The following GPC5 variants were observed in gnomAD, a reference collection of about 807,000 sequenced individuals.
GPC5 encodes the protein glypican-5.
GPC5 carries 47 observed loss-of-function variants against 53.9 expected under a neutral mutation model. The ratio of observed to expected loss-of-function variants is 0.87; its 90% CI spans 0.69 to 1.11. The LOEUF (loss-of-function observed/expected upper bound fraction) is 1.11, where lower values mean the gene tolerates loss of function less well. GPC5 is among the 50% of genes most tolerant of loss of function. The pLI is 0.00. For missense variants in GPC5, 748 were observed against 713.1 expected (o/e 1.05, Z -0.56); for synonymous variants, 286 against 263.3 (o/e 1.09, Z -0.84).
intron 7 of GPC5, among the ~76,000 whole-genome samples, chr13:92,725,090 G>A (rs1016313781): frequency 6.6e-6 from 1 of 151,652 alleles, no homozygotes; most frequent in Non-Finnish European, 1.5e-5. Flanking sequence ...ATTTAACCAT[G>A]TTATCTACCG....
At chr13:92,178,106 C>T (rs1363251093) in intron 7 of GPC5, among the ~76,000 whole-genome samples, 5 of 152,048 alleles carry the variant, frequency 3.3e-5, no homozygotes, top group Non-Finnish European at 7.4e-5. Flanking sequence ...CAATTTATTC[C>T]GAAGGGATGC....
intron 6 of GPC5, chr13:91,994,622 T>C (rs2040487526): frequency 6.6e-6 from 1 of 152,184 alleles, no homozygotes; most frequent in Non-Finnish European, 1.5e-5. Context: ...GTGAGTTGCT[T>C]TGTCTTGCCT....
intron 7 of GPC5, among the ~76,000 whole-genome samples, chr13:92,725,603 A>T (rs993049093): frequency 1.3e-5 from 2 of 151,538 alleles, no homozygotes; most frequent in Admixed American, 6.6e-5. Flanking sequence ...CATTTTTTTA[A>T]CTGTTAATAA....
chr13:91,498,423 T>C (rs1884423198), intron 2 of GPC5, among the ~76,000 whole-genome samples: 1 of 151,910 alleles, frequency 6.6e-6, no homozygotes, highest in Non-Finnish European at 1.5e-5. Flanking sequence ...TGGGAACTGG[T>C]TGAGCAGGGA....
At chr13:91,666,127 A>G (rs535676655) in intron 2 of GPC5, among the ~76,000 whole-genome samples, 32 of 152,342 alleles carry the variant, frequency 2.1e-4, no homozygotes, top group Admixed American at 8.5e-4. Flanking sequence ...CATCTTCTAT[A>G]TAAGGGCCTT....
intron 7 of GPC5, among the ~76,000 whole-genome samples, chr13:92,488,719 C>T (rs1181399775): frequency 1.3e-5 from 2 of 152,250 alleles, no homozygotes; most frequent in African/African-American, 4.8e-5. Flanking sequence ...GATACTGTGT[C>T]GTAGGTGGTG....
chr13:92,188,130 C>T lies in GPC5; in HGVS notation c.1561+43141C>T, dbSNP rs147196113. Among the ~76,000 whole-genome samples, 850 of 152,064 alleles carry T rather than the reference C, an allele frequency of 5.6e-3. 13 individuals carry two copies. The highest frequency in any genetic ancestry group is 0.019 in the African/African-American group (800 of 41,462). On this transcript the variant is annotated intron_variant, in intron 7 of 7. Transcript: ENST00000377067. Reference sequence around the variant, plus strand: ...ATCATTACTGCAGGAATCTCTCCTTCGAGAGAACAGGGCTCTTTAAAAATA... The same window carrying T: ...ATCATTACTGCAGGAATCTCTCCTTTGAGAGAACAGGGCTCTTTAAAAATA...
At chr13:92,469,990 ACTAT>A (rs1878847960) in intron 7 of GPC5, among the ~76,000 whole-genome samples, 1 of 152,266 alleles carries the variant, frequency 6.6e-6, no homozygotes, top group Admixed American at 6.5e-5. Context: ...ATATTTTATA[ACTAT>A]CAGAAATGAG....
chr13:92,167,250 A>G (rs1386359428), intron 7 of GPC5, among the ~76,000 whole-genome samples: 3 of 152,272 alleles, frequency 2.0e-5, no homozygotes, highest in South Asian at 4.1e-4. Context: ...ATAGCAAGTT[A>G]TAGTCCATGA....
intron 7 of GPC5, among the ~76,000 whole-genome samples, chr13:92,560,582 T>A (rs1475215069): frequency 6.6e-6 from 1 of 151,970 alleles, no homozygotes; most frequent in Non-Finnish European, 1.5e-5. Context: ...TGGTTCTCCA[T>A]ATCCCCGGCA....
chr13:91,961,386 G>C (rs970019938), intron 6 of GPC5, among the ~76,000 whole-genome samples: 1 of 151,948 alleles, frequency 6.6e-6, no homozygotes, highest in Non-Finnish European at 1.5e-5. Flanking sequence ...GCCCTGACTA[G>C]ACACATTTAC....
intron 7 of GPC5, among the ~76,000 whole-genome samples, chr13:92,400,407 C>G (rs1186190706): frequency 6.6e-6 from 1 of 152,158 alleles, no homozygotes; most frequent in African/African-American, 2.4e-5. Flanking sequence ...ACCTACTAAC[C>G]CAAGAACATT....
intron 7 of GPC5, among the ~76,000 whole-genome samples, chr13:92,725,136 G>T (rs1470108949): frequency 1.3e-5 from 2 of 151,426 alleles, no homozygotes; most frequent in Non-Finnish European, 3.0e-5. Context: ...TTTAGATACT[G>T]AATTTTAGAA....
At chr13:92,663,615 T>C (rs377323597) in intron 7 of GPC5, among the ~76,000 whole-genome samples, 38 of 82,444 alleles carry the variant, frequency 4.6e-4, no homozygotes, top group Admixed American at 1.6e-3. Context: ...TATATATATC[T>C]ACTATATATA....
intron 7 of GPC5, among the ~76,000 whole-genome samples, chr13:92,840,092 T>TATATATATAC (rs1566440567): frequency 5.4e-5 from 3 of 55,916 alleles, no homozygotes; most frequent in African/African-American, 2.0e-4. Flanking sequence ...TATATATATA[T>TATATATATAC]ATATATATAT....
At chr13:91,921,514 A>C (rs2039714123) in intron 6 of GPC5, among the ~76,000 whole-genome samples, 1 of 152,186 alleles carries the variant, frequency 6.6e-6, no homozygotes, top group South Asian at 2.1e-4. Context: ...ATACAAGAAA[A>C]ACTATGCAAA....
At chr13:91,432,653 T>C (rs1879587200) in intron 1 of GPC5, among the ~76,000 whole-genome samples, 1 of 152,214 alleles carries the variant, frequency 6.6e-6, no homozygotes, top group Admixed American at 6.5e-5. Context: ...GCTAAATACT[T>C]AATACTTTTC....
intron 7 of GPC5, among the ~76,000 whole-genome samples, chr13:92,250,010 CA>C (rs1267013406): frequency 6.6e-6 from 1 of 151,956 alleles, no homozygotes; most frequent in African/African-American, 2.4e-5. Flanking sequence ...TATAAATATA[CA>C]GTAACAAAGA....
intron 6 of GPC5, among the ~76,000 whole-genome samples, chr13:92,067,770 C>T (rs1169025976): frequency 6.6e-6 from 1 of 152,002 alleles, no homozygotes; most frequent in Non-Finnish European, 1.5e-5. Flanking sequence ...CCATCTCACA[C>T]ATGTATCTGT....
Sources: gnomAD v4.1 joint callset for allele counts (sites outside exome capture counted in the v4.1 genomes callset) on GRCh38, gnomAD v4.1.1 for gene constraint, MANE v1.5 for transcripts, NCBI Gene and HGNC (gene_info 2026-07-23, HGNC 2026-07-21) for gene names.